Variants in TMEM117 observed in about 807,000 individuals in gnomAD.
TMEM117 encodes the protein transmembrane protein 117.
In TMEM117, 27 loss-of-function variants were observed where a neutral mutation model predicts 52.4. The observed-to-expected ratio is 0.51, with a 90% CI of 0.38 to 0.71. The LOEUF (loss-of-function observed/expected upper bound fraction) is 0.71. Among genes scored for constraint, TMEM117 ranks in the 30% least tolerant of loss-of-function variants. The probability of loss-of-function intolerance (pLI) is 0.00; values close to 1 mark genes in which losing one functional copy is unlikely to be tolerated. For synonymous variants in TMEM117, 215 were observed against 206.3 expected, an observed-to-expected ratio of 1.04 and a Z score of -0.36; for missense variants, 556 against 630.5, an observed-to-expected ratio of 0.88 and a Z score of 1.26.
At chr12:44,041,805 G>A (rs978550998) in intron 3 of TMEM117, among the ~76,000 whole-genome samples, 1 of 152,102 alleles carries the variant, frequency 6.6e-6, no homozygotes, top group African/African-American at 2.4e-5. Flanking sequence ...GGGATGTAAG[G>A]TTGGTTAATA....
chr12:44,324,732 G>C (rs1951174249), intron 6 of TMEM117, among the ~76,000 whole-genome samples: 1 of 151,976 alleles, frequency 6.6e-6, no homozygotes, highest in South Asian at 2.1e-4. Context: ...TGCTTTTTCA[G>C]GTCACAATAT....
intron 3 of TMEM117, among the ~76,000 whole-genome samples, chr12:44,006,352 AT>A (rs1946196103): frequency 6.6e-6 from 1 of 152,142 alleles, no homozygotes; most frequent in African/African-American, 2.4e-5. Flanking sequence ...GCTACTTGTA[AT>A]TCCTTGACAG....
At chr12:44,392,507 T>C (rs12320849), downstream of TMEM117, among the ~76,000 whole-genome samples, 30,108 of 152,042 alleles carry the variant, frequency 0.2, 6,066 homozygotes, top group African/African-American at 0.52. Flanking sequence ...TTAGTTGTTT[T>C]GCTGGTTAGC....
downstream of TMEM117, among the ~76,000 whole-genome samples, chr12:44,391,146 T>C (rs1343086507): frequency 6.6e-6 from 1 of 152,154 alleles, no homozygotes; most frequent in Non-Finnish European, 1.5e-5. Context: ...AGTACTTTCT[T>C]CCACATAGTG....
In TMEM117 at chr12:43,955,297, A is replaced by G. The variant is rs147167848; in HGVS notation, c.410+10955A>G. Reference sequence around the variant, plus strand: ...GGTGTTGGAAGTTCTGGCCAGGGCAATCAAGCAAGAGAAAGAAAGAAAGGG... The same window carrying G: ...GGTGTTGGAAGTTCTGGCCAGGGCAGTCAAGCAAGAGAAAGAAAGAAAGGG... On this transcript the variant is annotated intron_variant, in intron 3 of 7. Transcript: ENST00000266534. Among the ~76,000 whole-genome samples the G allele has an allele frequency of 3.7e-3, 564 of 152,316 alleles. 3 individuals are homozygous for G. The highest frequency in any genetic ancestry group is 8.7e-3 in the South Asian group (42 of 4,834).
Position 44,233,833 on chromosome 12 carries a change from C to T in TMEM117, c.608+22446C>T, listed in dbSNP as rs576200458. Among the ~76,000 whole-genome samples, 18 of 151,316 alleles carry T rather than the reference C, an allele frequency of 1.2e-4. No homozygotes were observed. In the South Asian group the frequency reaches 3.3e-3, roughly 28 times the overall value. ...ATTAGGTGAATATATGCAAGTTATT[C>T]GTTCTCATTTTGAAGAGCATGTAGT... is the stretch of plus-strand genomic sequence containing the variant. On this transcript the variant is annotated intron_variant, in intron 5 of 7. Coordinates refer to ENST00000266534, the MANE Select transcript of TMEM117 (RefSeq NM_032256.3).
chr12:44,178,781 G>A (rs2138305235), intron 4 of TMEM117, among the ~76,000 whole-genome samples: 1 of 152,162 alleles, frequency 6.6e-6, no homozygotes, highest in Non-Finnish European at 1.5e-5. Flanking sequence ...TGAGAGTCTG[G>A]GATACACTTT....
chr12:44,006,810 G>A lies in TMEM117; in HGVS notation c.410+62468G>A, dbSNP rs137925901. Among the ~76,000 whole-genome samples the A allele has an allele frequency of 1.1e-3, 175 of 152,232 alleles. 2 individuals are homozygous for A. In the Middle Eastern group the frequency reaches 0.014, roughly 12 times the overall value. On this transcript the variant is annotated intron_variant, in intron 3 of 7. Transcript: ENST00000266534. ...TGCTAAGCACTGAAGATGCAATGCT[G>A]AATAAGACAGCGTGGATTCCTTTTT...
the TMEM117 span, chr12:43,806,155 A>AGCCCTCCCG: frequency 2.2e-6 from 3 of 1,374,794 alleles, no homozygotes; most frequent in African/African-American, 4.6e-5. Context: ...CCGGTCCTGC[A>AGCCCTCCCG]GCCCTCCCGG....
At chr12:44,365,798 C>T (rs1053806641) in intron 6 of TMEM117, among the ~76,000 whole-genome samples, 2 of 151,806 alleles carry the variant, frequency 1.3e-5, no homozygotes, top group Non-Finnish European at 2.9e-5. Context: ...GGTACATGTG[C>T]AGAACGTGCA....
the TMEM117 span, among the ~76,000 whole-genome samples, chr12:43,826,382 C>T: frequency 6.6e-6 from 1 of 152,114 alleles, no homozygotes; most frequent in Non-Finnish European, 1.5e-5. Context: ...AGCTCAGTAC[C>T]CCCTGAGGCT....
chr12:44,138,427 C>T (rs964003515), intron 3 of TMEM117, among the ~76,000 whole-genome samples: 4 of 151,962 alleles, frequency 2.6e-5, no homozygotes, highest in African/African-American at 9.7e-5. Context: ...CTGTATACAG[C>T]ACAAATGAAT....
At chr12:44,082,003 T>G (rs967197269) in intron 3 of TMEM117, among the ~76,000 whole-genome samples, 2 of 151,810 alleles carry the variant, frequency 1.3e-5, no homozygotes, top group Non-Finnish European at 2.9e-5. Context: ...TAAATAATAT[T>G]AAAATATTAT....
At chr12:44,152,659 T>C (rs1432174098) in intron 4 of TMEM117, among the ~76,000 whole-genome samples, 1 of 131,868 alleles carries the variant, frequency 7.6e-6, no homozygotes, top group Non-Finnish European at 1.5e-5. Flanking sequence ...ATAATATTTA[T>C]ATCATATATA....
chr12:44,001,950 T>A (rs1946122864), intron 3 of TMEM117, among the ~76,000 whole-genome samples: 2 of 152,032 alleles, frequency 1.3e-5, no homozygotes, highest in Non-Finnish European at 2.9e-5. Flanking sequence ...TGCTTCAGAA[T>A]GGGTAGAGGA....
intron 6 of TMEM117, among the ~76,000 whole-genome samples, chr12:44,309,081 G>A (rs1001398416): frequency 3.3e-5 from 5 of 152,122 alleles, no homozygotes; most frequent in Non-Finnish European, 7.4e-5. Flanking sequence ...ATAATTCAGA[G>A]CATTCATTTT....
intron 4 of TMEM117, among the ~76,000 whole-genome samples, chr12:44,163,468 A>T (rs1948924439): frequency 6.6e-6 from 1 of 152,236 alleles, no homozygotes; most frequent in Non-Finnish European, 1.5e-5. Context: ...TATTGAAGGT[A>T]TGAAAAGAAT....
chr12:43,819,119 G>A, the TMEM117 span, among the ~76,000 whole-genome samples: 924 of 152,278 alleles, frequency 6.1e-3, 4 homozygotes, highest in Middle Eastern at 0.038. Flanking sequence ...CATGGCGGAG[G>A]GGAGGAGGGG....
At chr12:44,259,404 G>A (rs1472407674) in intron 5 of TMEM117, among the ~76,000 whole-genome samples, 1 of 152,132 alleles carries the variant, frequency 6.6e-6, no homozygotes, top group Non-Finnish European at 1.5e-5. Context: ...AAGGGACTGA[G>A]TCAGGATTCA....
Sources: allele counts gnomAD v4.1 joint callset (sites outside exome capture counted in the v4.1 genomes callset), GRCh38; gene constraint gnomAD v4.1.1; transcripts MANE v1.5; gene names NCBI Gene and HGNC (gene_info 2026-07-23, HGNC 2026-07-21).